Variants in STEAP1B observed in about 807,000 individuals in gnomAD.
The protein encoded by STEAP1B is STEAP family member 1B.
A neutral mutation model predicts 27.9 loss-of-function variants in STEAP1B; 13 were observed. That is an observed-to-expected ratio of 0.47 (90% CI 0.30 to 0.74). The LOEUF (loss-of-function observed/expected upper bound fraction) is 0.74. Ranked by LOEUF, STEAP1B falls within the 30% of genes least tolerant of loss-of-function variation. The pLI is 0.06. For missense variants in STEAP1B, 250 were observed against 298.7 expected (o/e 0.84, Z 1.20); for synonymous variants, 86 against 107.1 (o/e 0.80, Z 1.22).
chr7:22,474,192 A>G (rs541379272), intron 4 of STEAP1B, among the ~76,000 whole-genome samples: 2 of 152,320 alleles, frequency 1.3e-5, no homozygotes, highest in African/African-American at 4.8e-5. Context: ...ATTTACATTC[A>G]AATATGTATA....
intron 4 of STEAP1B, among the ~76,000 whole-genome samples, chr7:22,490,450 T>A (rs976208123): frequency 1.3e-5 from 2 of 152,248 alleles, no homozygotes; most frequent in Admixed American, 1.3e-4. Flanking sequence ...AATGATCCAT[T>A]GGTTAGATCC....
At chr7:22,483,223 C>G (rs527873478) in intron 4 of STEAP1B, among the ~76,000 whole-genome samples, 1 of 152,184 alleles carries the variant, frequency 6.6e-6, no homozygotes, top group South Asian at 2.1e-4. Context: ...CAAAATTAAC[C>G]CTACTCATTC....
intron 4 of STEAP1B, among the ~76,000 whole-genome samples, chr7:22,483,197 C>A (rs188375828): frequency 9.1e-6 from 1 of 109,328 alleles, no homozygotes; most frequent in Non-Finnish European, 2.1e-5. Flanking sequence ...CTATACCTCA[C>A]ACTGAGGATA....
At chr7:22,471,966 G>T (rs954602950) in intron 4 of STEAP1B, among the ~76,000 whole-genome samples, 1 of 150,592 alleles carries the variant, frequency 6.6e-6, no homozygotes, top group Non-Finnish European at 1.5e-5. Context: ...ACTTTAAAAG[G>T]CTGTGTTTCT....
intron 4 of STEAP1B, among the ~76,000 whole-genome samples, chr7:22,463,899 AGGACTT>A (rs1785724734): frequency 6.6e-6 from 1 of 151,714 alleles, no homozygotes; most frequent in Non-Finnish European, 1.5e-5. Flanking sequence ...GGCATGGGCA[AGGACTT>A]CATGTCTAAA....
intron 4 of STEAP1B, among the ~76,000 whole-genome samples, chr7:22,454,857 A>AAATATAAATATATATATGTG (rs1562572878): frequency 1.5e-5 from 1 of 68,102 alleles, no homozygotes; most frequent in East Asian, 9.1e-4. Flanking sequence ...ATGTATATAT[A>AAATATAAATATATATATGTG]TATATATATT....
At position 22,429,389 on chromosome 7, in the gene STEAP1B, T is replaced by A. The variant is rs1785149838; in HGVS notation, c.763-9553A>T. Among the ~76,000 whole-genome samples the A allele has an allele frequency of 2.6e-5, 4 of 152,196 alleles. No homozygotes were observed. The South Asian group carries it at 8.3e-4, about 31-fold the overall frequency. The stretch of plus-strand genomic sequence containing the variant: ...TGTATCAACATGAATGAACCTCACA[T>A]CATGTTGCATTTTTTTCAGAAGAAT... On this transcript the variant is annotated intron_variant, in intron 4 of 4. Transcript: ENST00000678116.
At chr7:22,426,050 C>G (rs977147431) in intron 4 of STEAP1B, among the ~76,000 whole-genome samples, 1 of 152,138 alleles carries the variant, frequency 6.6e-6, no homozygotes, top group African/African-American at 2.4e-5. Context: ...ATTAGACTCT[C>G]TAAAGGAAGT....
At chr7:22,443,543 T>G (rs1424714585) in intron 4 of STEAP1B, among the ~76,000 whole-genome samples, 2 of 152,122 alleles carry the variant, frequency 1.3e-5, no homozygotes, top group African/African-American at 4.8e-5. Flanking sequence ...AAGCAATCTA[T>G]CCTATCTGAT....
chr7:22,488,255 T>C (rs938545265), intron 4 of STEAP1B, among the ~76,000 whole-genome samples: 1 of 152,156 alleles, frequency 6.6e-6, no homozygotes, highest in African/African-American at 2.4e-5. Flanking sequence ...GCCCCACCTA[T>C]CCTTCCCACA....
intron 4 of STEAP1B, among the ~76,000 whole-genome samples, chr7:22,472,021 C>T (rs1268062377): frequency 6.6e-6 from 1 of 151,948 alleles, no homozygotes; most frequent in South Asian, 2.1e-4. Context: ...GGAAAATCAT[C>T]GCTACTAACA....
chr7:22,468,757 T>C (rs1249158253), intron 4 of STEAP1B, among the ~76,000 whole-genome samples: 1 of 152,202 alleles, frequency 6.6e-6, no homozygotes, highest in Non-Finnish European at 1.5e-5. Context: ...ATGATGGCAG[T>C]ACCATGAGAT....
At chr7:22,471,856 T>C (rs1021178481) in intron 4 of STEAP1B, among the ~76,000 whole-genome samples, 4 of 142,630 alleles carry the variant, frequency 2.8e-5, no homozygotes, top group Non-Finnish European at 6.0e-5. Flanking sequence ...TGAGCTATGA[T>C]TGCACCAGTG....
intron 4 of STEAP1B, chr7:22,438,583 G>A (rs1785284031): frequency 1.3e-6 from 2 of 1,552,040 alleles, no homozygotes. Context: ...TCCCTTTGAA[G>A]GGCTGGCTGC....
At chr7:22,466,620 C>T (rs1033868542) in intron 4 of STEAP1B, among the ~76,000 whole-genome samples, 2 of 152,254 alleles carry the variant, frequency 1.3e-5, no homozygotes, top group Non-Finnish European at 2.9e-5. Flanking sequence ...CCCAGTCTGG[C>T]ATTTTGCTTT....
chr7:22,436,692 G>A (rs1262288670), intron 4 of STEAP1B, among the ~76,000 whole-genome samples: 1 of 152,084 alleles, frequency 6.6e-6, no homozygotes, highest in African/African-American at 2.4e-5. Context: ...ATGGCCTCCA[G>A]CTCCATTCAT....
chr7:22,431,366 TAGC>T (rs1785185008), intron 4 of STEAP1B, among the ~76,000 whole-genome samples: 1 of 152,212 alleles, frequency 6.6e-6, no homozygotes, highest in Non-Finnish European at 1.5e-5. Context: ...TCTCTCCCAA[TAGC>T]TCTCTCAGAA....
chr7:22,463,041 T>C (rs1189234186), intron 4 of STEAP1B, among the ~76,000 whole-genome samples: 1 of 152,196 alleles, frequency 6.6e-6, no homozygotes, highest in Non-Finnish European at 1.5e-5. Context: ...TTTTGAGAAG[T>C]GTCTGTTCAT....
At chr7:22,422,517 G>C (rs1785056607) in intron 4 of STEAP1B, among the ~76,000 whole-genome samples, 1 of 149,004 alleles carries the variant, frequency 6.7e-6, no homozygotes, top group Non-Finnish European at 1.5e-5. Context: ...TTTTGAGATA[G>C]AGTTTCACTC....
Sources: allele counts gnomAD v4.1 joint callset (sites outside exome capture counted in the v4.1 genomes callset), GRCh38; gene constraint gnomAD v4.1.1; transcripts MANE v1.5; gene names NCBI Gene and HGNC (gene_info 2026-07-23, HGNC 2026-07-21).